The following ZNF581 variants were observed in gnomAD, a reference collection of about 807,000 sequenced individuals.
ZNF581 encodes the protein zinc finger protein 581.
In ZNF581, 1 loss-of-function variant was observed where a neutral mutation model predicts 1.2. The observed-to-expected ratio is 0.83, with a 90% CI of 0.30 to 3.95. ZNF581 has a LOEUF of 3.95. Among genes scored for constraint, ZNF581 ranks in the 30% most tolerant of loss-of-function variants. The pLI is 0.18. For missense variants in ZNF581, 273 were observed against 274.6 expected, an observed-to-expected ratio of 0.99 and a Z score of 0.04; for synonymous variants, 105 against 109.2, an observed-to-expected ratio of 0.96 and a Z score of 0.24.
chr19:55,642,929 A>ACGCACCGCGCCC (rs1228891375), upstream of ZNF581: 14 of 1,481,996 alleles, frequency 9.4e-6, no homozygotes, highest in Non-Finnish European at 1.2e-5. Flanking sequence ...GCATCGCGCC[A>ACGCACCGCGCCC]CGCACCGCGC....
chr19:55,636,639 G>T (rs965790311), upstream of ZNF581, among the ~76,000 whole-genome samples: 3 of 152,162 alleles, frequency 2.0e-5, no homozygotes, highest in Non-Finnish European at 4.4e-5. Flanking sequence ...GAGTGGGGAA[G>T]GCAGGCAGTA....
At chr19:55,642,574 GC>G (rs777848292), upstream of ZNF581, 6 of 1,381,556 alleles carry the variant, frequency 4.3e-6, no homozygotes, top group South Asian at 1.7e-5. Context: ...TGGACCCACC[GC>G]CCCCCAAGGC....
chr19:55,644,894 C>A lies in ZNF581; in HGVS notation c.323C>A (p.Thr108Asn). 6.2e-7 allele frequency: 1 copy of A among 1,614,022 alleles called. No individual in the cohort carries two copies. The highest frequency in any genetic ancestry group is 8.5e-7 in the Non-Finnish European group (1 of 1,179,898). ...TCCTACCTTCAGCGACACAGCATCA[C>A]CCACTCGGAGGTAAAGCCCTTCGAG... Reference protein sequence around the residue: ...YMSYLQRHSITHSEVKPFECD... With the variant: ...YMSYLQRHSINHSEVKPFECD... The change falls in exon 2 of 2, where the codon ACC becomes AAC. Residue 108 changes from threonine to asparagine, a missense_variant. Coordinates refer to ENST00000270451, the MANE Select transcript of ZNF581 (RefSeq NM_016535.4). The surrounding 1 kb of genome is among the most constrained non-coding windows in gnomAD (Gnocchi z 4.3).
upstream of ZNF581, chr19:55,640,933 G>A (rs1393519184): frequency 1.0e-6 from 1 of 985,306 alleles, no homozygotes; most frequent in Non-Finnish European, 1.2e-6. Flanking sequence ...GCTCCGCAGA[G>A]GCGAGGGGTG....
At position 55,644,754 on chromosome 19, in the gene ZNF581, C is replaced by G; in HGVS notation, c.183C>G (p.Val61=). Residue 61 remains valine (V), a synonymous_variant, in exon 2 of 2, where the codon GTC becomes GTG. Coordinates refer to ENST00000270451, the MANE Select transcript of ZNF581 (RefSeq NM_016535.4). The surrounding 1 kb of genome is among the most constrained non-coding windows in gnomAD (Gnocchi z 4.3). ...ACCTGCTTATTGACACTCAGGGTGT[C>G]CCCTACACAGTGCTGGTGGACGAGG... The part of the protein sequence containing the change: ...NHYLLIDTQG[V]PYTVLVDEES... 1 of 1,614,122 alleles carries G rather than the reference C, an allele frequency of 6.2e-7. No homozygotes were observed. The highest frequency in any genetic ancestry group is 1.1e-5 in the South Asian group (1 of 91,082).
upstream of ZNF581, among the ~76,000 whole-genome samples, chr19:55,641,342 C>T (rs977127421): frequency 1.3e-5 from 2 of 152,236 alleles, no homozygotes; most frequent in East Asian, 1.9e-4. Context: ...GCCAGGGCTC[C>T]TTGGGGAAGT....
chr19:55,636,984 T>C (rs1317699251), upstream of ZNF581, among the ~76,000 whole-genome samples: 1 of 152,136 alleles, frequency 6.6e-6, no homozygotes, highest in East Asian at 1.9e-4. Context: ...GCAGAGTGTC[T>C]GGGTTTACTC....
chr19:55,640,519 C>A (rs1982388420), upstream of ZNF581: 2 of 985,340 alleles, frequency 2.0e-6, no homozygotes, highest in African/African-American at 3.5e-5. Context: ...GCATGTGCCC[C>A]GTGGAAAGAA....
At chr19:55,636,833 C>T (rs1490233245), upstream of ZNF581, among the ~76,000 whole-genome samples, 3 of 152,118 alleles carry the variant, frequency 2.0e-5, no homozygotes, top group African/African-American at 4.8e-5. Flanking sequence ...TTGTGAGGGG[C>T]TGAAAGGAAC....
At chr19:55,635,803 A>AT in intron 1 of ZNF581, 1 of 861,448 alleles carries the variant, frequency 1.2e-6, no homozygotes, top group Non-Finnish European at 1.4e-6. Context: ...TATAGGGAGG[A>AT]TTTTAAAAAG....
At chr19:55,642,646 A>AC (rs1163340953), upstream of ZNF581, 1 of 1,422,048 alleles carries the variant, frequency 7.0e-7, no homozygotes, top group Non-Finnish European at 9.2e-7. Context: ...CGGGGCCCCG[A>AC]CCCCCGCGGC....
upstream of ZNF581, among the ~76,000 whole-genome samples, chr19:55,636,755 G>A (rs1342147844): frequency 3.9e-5 from 6 of 152,104 alleles, no homozygotes; most frequent in African/African-American, 7.2e-5. Flanking sequence ...GAGCTACCAC[G>A]GTCACTAAAA....
At chr19:55,643,016 C>A (rs1473249299), upstream of ZNF581, 1 of 1,362,112 alleles carries the variant, frequency 7.3e-7, no homozygotes, top group Non-Finnish European at 9.5e-7. Context: ...GCAGCACGTG[C>A]GCCTCCACTA....
chr19:55,641,895 T>G, upstream of ZNF581: 3 of 234,312 alleles, frequency 1.3e-5, no homozygotes, highest in Non-Finnish European at 2.1e-5. Context: ...ATGTGGGGAA[T>G]TGGGTTAGTG....
upstream of ZNF581, among the ~76,000 whole-genome samples, chr19:55,639,520 C>A (rs755197849): frequency 2.0e-5 from 3 of 152,160 alleles, no homozygotes; most frequent in Non-Finnish European, 4.4e-5. Context: ...AACTGTGAGG[C>A]CTTTTGGGCC....
chr19:55,643,231 G>T (rs530027162), upstream of ZNF581: 36 of 908,432 alleles, frequency 4.0e-5, 1 homozygote, highest in South Asian at 1.7e-3. Context: ...CAAAGTCGTT[G>T]CCCCTCCCTG....
At chr19:55,641,480 G>T (rs1301934851), upstream of ZNF581, among the ~76,000 whole-genome samples, 1 of 152,216 alleles carries the variant, frequency 6.6e-6, no homozygotes, top group Non-Finnish European at 1.5e-5. Flanking sequence ...GGGGGACCAC[G>T]CTGTGTGTAA....
upstream of ZNF581, chr19:55,640,572 G>C: frequency 2.0e-6 from 2 of 985,472 alleles, no homozygotes; most frequent in African/African-American, 3.5e-5. Context: ...CCTTCTCCGG[G>C]CCTCGGCCTC....
rs1341149177 is a variant in ZNF581 at position 55,645,217 on chromosome 19, C to T, written c.*52C>T. The T allele has an allele frequency of 2.1e-6, 3 of 1,462,518 alleles. No homozygotes were observed. Among genetic ancestry groups the T allele is most frequent in the East Asian group, 2.3e-5 (1 of 43,010 alleles). The allele number at this position is 1,462,518 out of a possible 1,614,324, so 90.6% of individuals were successfully genotyped here. On this transcript the variant is annotated 3_prime_UTR_variant, in exon 2 of 2. Transcript: ENST00000270451. ...CACAGGACTTTGCAGGGAGCCTGGA[C>T]TCCTGTCCAGACACCTGGTGAGAGC...
Sources: allele counts gnomAD v4.1 joint callset (sites outside exome capture counted in the v4.1 genomes callset), GRCh38; gene constraint gnomAD v4.1.1; non-coding constraint Gnocchi (gnomAD v3.1); transcripts MANE v1.5; gene names NCBI Gene and HGNC (gene_info 2026-07-23, HGNC 2026-07-21).